VCF1: variants seen among roughly 807,000 people sequenced by gnomAD.
The protein encoded by VCF1 is VCP nuclear cofactor family member 1.
chr17:73,207,416 C>G, the VCF1 span: 1 of 762,868 alleles, frequency 1.3e-6, no homozygotes, highest in Non-Finnish European at 2.3e-6. Context: ...CAAGGTTTTA[C>G]TAGCTTGAGC....
chr17:73,220,510 T>TCATGG, the VCF1 span, among the ~76,000 whole-genome samples: 1 of 151,760 alleles, frequency 6.6e-6, no homozygotes, highest in African/African-American at 2.4e-5. Flanking sequence ...GGTGGTGCGA[T>TCATGG]CTCATCTCAC....
chr17:73,231,685 T>TC, the VCF1 span, among the ~76,000 whole-genome samples: 1 of 152,158 alleles, frequency 6.6e-6, no homozygotes, highest in South Asian at 2.1e-4. Context: ...AGCCGGCAGC[T>TC]CCCCGCCCGG....
the VCF1 span, chr17:73,208,224 G>A: frequency 2.1e-5 from 34 of 1,603,814 alleles, no homozygotes; most frequent in East Asian, 4.2e-4. Flanking sequence ...TGTGTGTGCC[G>A]TGTGGACTCC....
chr17:73,209,875 C>T, the VCF1 span: 3 of 1,471,244 alleles, frequency 2.0e-6, no homozygotes, highest in Non-Finnish European at 2.7e-6. Context: ...TCCAGTTCAG[C>T]TTGAGGATGA....
At chr17:73,224,099 A>C in the VCF1 span, among the ~76,000 whole-genome samples, 1 of 131,516 alleles carries the variant, frequency 7.6e-6, no homozygotes, top group Non-Finnish European at 1.6e-5. Flanking sequence ...AAGGTAGGGG[A>C]GAGAAGGGGA....
chr17:73,216,886 A>G, the VCF1 span, among the ~76,000 whole-genome samples: 3 of 152,228 alleles, frequency 2.0e-5, no homozygotes, highest in Non-Finnish European at 2.9e-5. Context: ...TACCCATGGC[A>G]GAAACTAAAC....
At chr17:73,212,816 T>C in the VCF1 span, 1 of 1,117,280 alleles carries the variant, frequency 9.0e-7, no homozygotes, top group East Asian at 2.6e-5. Context: ...TATTTCGTAC[T>C]ATAATAGCAC....
chr17:73,209,458 C>T, the VCF1 span: 2 of 1,505,542 alleles, frequency 1.3e-6, no homozygotes, highest in Non-Finnish European at 1.8e-6. Flanking sequence ...TCTTTTAAAA[C>T]AAGTTGTAAG....
chr17:73,225,899 A>ATATATATATATATATT, the VCF1 span, among the ~76,000 whole-genome samples: 1 of 114,842 alleles, frequency 8.7e-6, no homozygotes, highest in African/African-American at 3.8e-5. Flanking sequence ...ATATATATAT[A>ATATATATATATATATT]TTTTTTTTTT....
chr17:73,214,672 G>A, the VCF1 span, among the ~76,000 whole-genome samples: 3 of 152,188 alleles, frequency 2.0e-5, no homozygotes, highest in East Asian at 1.9e-4. Flanking sequence ...TCACTTAGTT[G>A]AAGCTTTTTA....
chr17:73,219,729 T>C, the VCF1 span, among the ~76,000 whole-genome samples: 1 of 152,064 alleles, frequency 6.6e-6, no homozygotes, highest in African/African-American at 2.4e-5. Context: ...TCCTAGCACT[T>C]TGGAAGGCCG....
chr17:73,227,536 G>A, the VCF1 span: 1 of 793,700 alleles, frequency 1.3e-6, no homozygotes, highest in Non-Finnish European at 1.6e-6. Flanking sequence ...TGTTGGGACT[G>A]AAACAAGAAC....
At chr17:73,225,910 T>A in the VCF1 span, among the ~76,000 whole-genome samples, 208 of 141,828 alleles carry the variant, frequency 1.5e-3, 3 homozygotes, top group South Asian at 0.012. Context: ...TTTTTTTTTT[T>A]TTTTTTTCTG....
the VCF1 span, chr17:73,229,492 T>G: frequency 1.0e-6 from 1 of 985,350 alleles, no homozygotes; most frequent in East Asian, 1.1e-4. Flanking sequence ...CTTCTACAGA[T>G]GGTTGATTCC....
chr17:73,210,532 C>T, the VCF1 span, among the ~76,000 whole-genome samples: 4 of 151,384 alleles, frequency 2.6e-5, no homozygotes, highest in Admixed American at 1.3e-4. Flanking sequence ...CAGAAATTCC[C>T]GCCTTCCACC....
the VCF1 span, among the ~76,000 whole-genome samples, chr17:73,213,468 ATATAG>A: frequency 3.9e-5 from 6 of 152,204 alleles, no homozygotes; most frequent in Admixed American, 6.5e-5. Context: ...TAAGCAGTAT[ATATAG>A]TATATCAGTT....
At chr17:73,217,833 G>A in the VCF1 span, among the ~76,000 whole-genome samples, 1 of 151,964 alleles carries the variant, frequency 6.6e-6, no homozygotes, top group African/African-American at 2.4e-5. Context: ...TTAGCCGGGC[G>A]TGGAGGCGTG....
chr17:73,221,424 A>G, the VCF1 span, among the ~76,000 whole-genome samples: 1 of 151,484 alleles, frequency 6.6e-6, no homozygotes, highest in Admixed American at 6.5e-5. Flanking sequence ...GACCCTAAAA[A>G]AAAAATTTAA....
chr17:73,211,817 G>A, the VCF1 span, among the ~76,000 whole-genome samples: 22 of 152,220 alleles, frequency 1.4e-4, no homozygotes, highest in Middle Eastern at 6.8e-3. Context: ...CCGAGATCAC[G>A]CCACTGCCCT....
Sources: allele counts gnomAD v4.1 joint callset (sites outside exome capture counted in the v4.1 genomes callset), GRCh38; gene constraint gnomAD v4.1.1; transcripts MANE v1.5; gene names NCBI Gene and HGNC (gene_info 2026-07-23, HGNC 2026-07-21).